The following MINDY4 variants were observed in gnomAD, a reference collection of about 807,000 sequenced individuals.
The protein encoded by MINDY4 is probable ubiquitin carboxyl-terminal hydrolase MINDY-4.
In MINDY4, 68 loss-of-function variants were observed where a neutral mutation model predicts 87.0. The ratio of observed to expected loss-of-function variants is 0.78; its 90% CI spans 0.64 to 0.96. The LOEUF is 0.96. Ranked by LOEUF, MINDY4 falls within the 40% of genes least tolerant of loss-of-function variation. The pLI is 0.00. For missense variants in MINDY4, 919 were observed against 928.2 expected (o/e 0.99, Z 0.13); for synonymous variants, 379 against 363.2 (o/e 1.04, Z -0.50).
At chr7:30,884,489 G>C (rs1409261476) in intron 17 of MINDY4, among the ~76,000 whole-genome samples, 3 of 152,220 alleles carry the variant, frequency 2.0e-5, no homozygotes, top group Admixed American at 2.0e-4. Context: ...GGTGACACTA[G>C]CCTTGGCATC....
chr7:30,810,778 G>A (rs1221665535), intron 5 of MINDY4, among the ~76,000 whole-genome samples: 1 of 152,044 alleles, frequency 6.6e-6, no homozygotes, highest in African/African-American at 2.4e-5. Context: ...AGCTTATCTG[G>A]TATAAAAATC....
chr7:30,836,720 A>C lies in MINDY4; in HGVS notation c.1195A>C (p.Lys399Gln). 6.2e-7 allele frequency: 1 copy of C among 1,614,174 alleles called. No individual in the cohort carries two copies. Among genetic ancestry groups the C allele is most frequent in the Non-Finnish European group, 8.5e-7 (1 of 1,180,016 alleles). The change falls in exon 7 of 18, where the codon AAG becomes CAG. Residue 399 changes from lysine (K) to glutamine (Q), a missense_variant. Coordinates refer to ENST00000265299, the MANE Select transcript of MINDY4 (RefSeq NM_032222.3). ...CCTGTCGCCAGTCCCATCAGTGCTC[A>C]AGTTGCAGACAGCATCAAAACCAAT... ...VILSPVPSVL[K>Q]LQTASKPIDL...
At chr7:30,815,034 C>T (rs937005656) in intron 5 of MINDY4, among the ~76,000 whole-genome samples, 3 of 152,206 alleles carry the variant, frequency 2.0e-5, no homozygotes, top group African/African-American at 4.8e-5. Flanking sequence ...CTCAGCCTCT[C>T]GTTGGTGCAG....
rs750677710 is a variant in MINDY4, at chr7:30,828,695, C to T, written c.1090C>T (p.Pro364Ser). The T allele has an allele frequency of 5.0e-6, 8 of 1,613,848 alleles. No homozygotes were observed. Among genetic ancestry groups the T allele is most frequent in the Non-Finnish European group, 6.8e-6 (8 of 1,179,998 alleles). Reference sequence around the variant, plus strand: ...ATTTTCCAGGAAAAATCAGTTGCTGCCGTCTGACAAGGTGGATGGTGAGCT... The same window carrying T: ...ATTTTCCAGGAAAAATCAGTTGCTGTCGTCTGACAAGGTGGATGGTGAGCT... ...PAPVRKNQLL[P>S]SDKVDGELGA... is the part of the protein sequence containing the mutation. Residue 364 changes from proline to serine, a missense_variant, in exon 6 of 18, where the codon CCG (proline) becomes TCG (serine). Physicochemically the swap from Pro to Ser is moderately conservative, Grantham distance 74. Transcript: ENST00000265299.
At chr7:30,874,743 T>C (rs897701865) in intron 14 of MINDY4, among the ~76,000 whole-genome samples, 1 of 152,156 alleles carries the variant, frequency 6.6e-6, no homozygotes, top group Non-Finnish European at 1.5e-5. Context: ...CCTACTGAAG[T>C]ACCTTCCTCG....
At chr7:30,877,217 A>T (rs577145343) in intron 15 of MINDY4, among the ~76,000 whole-genome samples, 30 of 152,224 alleles carry the variant, frequency 2.0e-4, no homozygotes, top group Non-Finnish European at 3.8e-4. Context: ...TCAAAATTCC[A>T]TGGGCCAAGA....
intron 1 of MINDY4, among the ~76,000 whole-genome samples, chr7:30,772,139 G>A (rs1424937253): frequency 1.3e-5 from 2 of 152,182 alleles, no homozygotes; most frequent in East Asian, 3.9e-4. Flanking sequence ...GCTGTCATCT[G>A]GCCTCAGGGT....
At chr7:30,878,121 T>A (rs1790334677) in intron 15 of MINDY4, among the ~76,000 whole-genome samples, 1 of 152,070 alleles carries the variant, frequency 6.6e-6, no homozygotes, top group Non-Finnish European at 1.5e-5. Flanking sequence ...GCCAGGGCCC[T>A]TGCTCTGGCC....
In MINDY4 at chr7:30,850,528, G is replaced by T; in HGVS notation, c.1520G>T (p.Gly507Val). 6.2e-7 allele frequency: 1 copy of T among 1,608,466 alleles called. No homozygotes were observed. The highest frequency in any genetic ancestry group is 1.1e-5 in the South Asian group (1 of 89,744). Residue 507 changes from glycine to valine, a missense_variant, in exon 10 of 18, where the codon GGG becomes GTG. Transcript: ENST00000265299. Reference sequence around the variant, plus strand: ...CTCGCAGACATTGTGTGGCGGGCAGGGGGCCGAGAGAGAGCCGTTGTTGCA... The same window carrying T: ...CTCGCAGACATTGTGTGGCGGGCAGTGGGCCGAGAGAGAGCCGTTGTTGCA... ...LALADIVWRA[G>V]GRERAVVALA...
intron 16 of MINDY4, among the ~76,000 whole-genome samples, chr7:30,882,602 G>A (rs1790502556): frequency 6.6e-6 from 1 of 152,228 alleles, no homozygotes; most frequent in South Asian, 2.1e-4. Flanking sequence ...ACACCACATG[G>A]TAAAGAGCCC....
chr7:30,875,445 C>T (rs1239209836), intron 14 of MINDY4, 50 bp from the exon 15 acceptor site: 2 of 1,600,724 alleles, frequency 1.2e-6, no homozygotes, highest in African/African-American at 2.7e-5. Context: ...TCCACTCTTT[C>T]AGTAACTGAT....
intron 17 of MINDY4, among the ~76,000 whole-genome samples, chr7:30,884,754 C>T (rs1172724188): frequency 6.6e-6 from 1 of 152,232 alleles, no homozygotes; most frequent in Non-Finnish European, 1.5e-5. Flanking sequence ...CAAGCACCTC[C>T]CAGCGTGGGC....
chr7:30,891,731 C>T (rs1269230543), intron 17 of MINDY4, among the ~76,000 whole-genome samples: 5 of 152,134 alleles, frequency 3.3e-5, no homozygotes, highest in East Asian at 3.9e-4. Context: ...CATCACCTGC[C>T]GCCTGGCCTC....
At chr7:30,882,689 G>A (rs1377490440) in intron 16 of MINDY4, among the ~76,000 whole-genome samples, 1 of 152,164 alleles carries the variant, frequency 6.6e-6, no homozygotes, top group Non-Finnish European at 1.5e-5. Context: ...TCAGGGTGGT[G>A]AGATCAGAAG....
In MINDY4 at chr7:30,782,076, A is replaced by G. The variant is rs185675956; in HGVS notation, c.283A>G (p.Ile95Val). 3 of 1,614,122 alleles carry G rather than the reference A, an allele frequency of 1.9e-6. No homozygotes were observed. Among genetic ancestry groups the G allele is most frequent in the South Asian group, 2.2e-5 (2 of 91,074 alleles). The change falls in exon 3 of 18, where the codon ATC becomes GTC. Residue 95 changes from isoleucine (I) to valine (V), a missense_variant. Physicochemically the swap from Ile to Val is conservative, Grantham distance 29. Coordinates refer to ENST00000265299, the MANE Select transcript of MINDY4 (RefSeq NM_032222.3). ...TAACAATTTCACTCAAGATACCCCA[A>G]TCCCTGCACTCTCAGTTCCAAAGAA... is the stretch of plus-strand genomic sequence containing the variant. Reference protein sequence around the residue: ...TANNFTQDTPIPALSVPKKNN... With the variant: ...TANNFTQDTPVPALSVPKKNN...
chr7:30,861,653 C>T (rs1053179608), intron 13 of MINDY4, among the ~76,000 whole-genome samples: 3 of 152,234 alleles, frequency 2.0e-5, no homozygotes, highest in African/African-American at 7.2e-5. Context: ...ATTCCTGCCT[C>T]ATAAGATGTA....
intron 15 of MINDY4, among the ~76,000 whole-genome samples, chr7:30,877,683 C>CTTT (rs573026878): frequency 4.9e-4 from 55 of 112,682 alleles, no homozygotes; most frequent in African/African-American, 1.8e-3. Flanking sequence ...TCTTCTTCTT[C>CTTT]TTTTTTTTTT....
At chr7:30,800,032 C>A (rs1415726606) in intron 5 of MINDY4, among the ~76,000 whole-genome samples, 3 of 152,104 alleles carry the variant, frequency 2.0e-5, no homozygotes, top group Non-Finnish European at 4.4e-5. Context: ...CAGTGTGCAA[C>A]CTCCTAGATG....
chr7:30,785,599 G>A (rs1787139732), intron 3 of MINDY4, 150 bp from the exon 4 acceptor site: 1 of 925,364 alleles, frequency 1.1e-6, no homozygotes, highest in South Asian at 1.6e-5. Context: ...TCTGTTCCTT[G>A]TCTTTCATGA....
Sources: allele counts gnomAD v4.1 joint callset (sites outside exome capture counted in the v4.1 genomes callset), GRCh38; gene constraint gnomAD v4.1.1; transcripts MANE v1.5; gene names NCBI Gene and HGNC (gene_info 2026-07-23, HGNC 2026-07-21).